NKIRAS1: variants seen among roughly 807,000 people sequenced by gnomAD.
NKIRAS1 encodes NF-kappa-B inhibitor-interacting Ras-like protein 1.
NKIRAS1 carries 16 observed loss-of-function variants against 19.8 expected under a neutral mutation model. That is an observed-to-expected ratio of 0.81 (90% CI 0.55 to 1.23). The LOEUF is 1.23. Ranked by LOEUF, NKIRAS1 falls within the 50% of genes most tolerant of loss-of-function variation. The pLI is 0.00. For missense variants in NKIRAS1, 184 were observed against 220.0 expected (o/e 0.84, Z 1.04); for synonymous variants, 88 against 79.0 (o/e 1.11, Z -0.61).
rs371670186 is a variant in NKIRAS1 at position 23,891,529 on chromosome 3, G to A, written c.*1566C>T. 6.6e-6 allele frequency: 1 copy of A among 152,110 alleles called. No homozygotes were observed. The highest frequency in any genetic ancestry group is 2.4e-5 in the African/African-American group (1 of 41,406). The allele number at this position is 152,110 out of a possible 1,614,324, so 9.4% of individuals were successfully genotyped here. A position where few individuals can be genotyped will look rare whatever the true frequency, so the allele number is the denominator to read the frequency against. The stretch of plus-strand genomic sequence containing the variant: ...TCTACCCCATTTAGGCTTCAAAGAC[G>A]AACCCTACTGCATCTTTTTAAAAGC... On this transcript the variant is annotated 3_prime_UTR_variant, in exon 5 of 5. Coordinates refer to ENST00000425478, the MANE Select transcript of NKIRAS1 (RefSeq NM_020345.4).
chr3:23,906,497 A>T (rs1423657427), intron 3 of NKIRAS1, among the ~76,000 whole-genome samples: 1 of 152,170 alleles, frequency 6.6e-6, no homozygotes, highest in African/African-American at 2.4e-5. Context: ...TTACATGTAG[A>T]TTTTCTTTCT....
intron 1 of NKIRAS1, among the ~76,000 whole-genome samples, chr3:23,939,306 G>T (rs1705451294): frequency 1.3e-5 from 2 of 152,132 alleles, no homozygotes; most frequent in African/African-American, 4.8e-5. Flanking sequence ...TGTAGATCAA[G>T]ATAAAGAGCA....
chr3:23,937,899 C>T (rs111632334), intron 1 of NKIRAS1, among the ~76,000 whole-genome samples: 4 of 151,862 alleles, frequency 2.6e-5, no homozygotes, highest in African/African-American at 9.7e-5. Context: ...GTAGACATAA[C>T]CCTTTTACCT....
chr3:23,903,443 T>C (rs771718215), intron 3 of NKIRAS1, among the ~76,000 whole-genome samples: 3 of 151,872 alleles, frequency 2.0e-5, no homozygotes, highest in Non-Finnish European at 4.4e-5. Flanking sequence ...TATGAACAGA[T>C]AACCAAGGTT....
chr3:23,946,088 T>TG, intron 1 of NKIRAS1: 1 of 984,280 alleles, frequency 1.0e-6, no homozygotes. Flanking sequence ...TCCGCCCCTT[T>TG]GGAAGCCTCG....
chr3:23,945,447 C>T, intron 1 of NKIRAS1: 1 of 355,212 alleles, frequency 2.8e-6, no homozygotes, highest in Non-Finnish European at 4.1e-6. Flanking sequence ...GGAGCCCCGC[C>T]CGCTCTGCCC....
rs1026227229 is a variant in NKIRAS1 at position 23,944,875 on chromosome 3, G to A, written c.-140+1448C>T. Reference sequence around the variant, plus strand: ...GGGGGCGCAAGGGTTGAGCAAGCCCGAACCAGCCGGCCCAGCCGGGGTCCT... The same window carrying A: ...GGGGGCGCAAGGGTTGAGCAAGCCCAAACCAGCCGGCCCAGCCGGGGTCCT... On this transcript the variant is annotated intron_variant, in intron 1 of 4. Transcript: ENST00000421515. Among the ~76,000 whole-genome samples the A allele has an allele frequency of 3.3e-5, 5 of 151,854 alleles. No homozygotes were observed. In the East Asian group the frequency reaches 7.8e-4, roughly 24 times the overall value.
At chr3:23,936,062 G>A (rs547043263) in intron 1 of NKIRAS1, among the ~76,000 whole-genome samples, 285 of 117,456 alleles carry the variant, frequency 2.4e-3, no homozygotes, top group Admixed American at 6.5e-3. Context: ...TAGCCTGGGC[G>A]ACAGAAAGGG....
chr3:23,910,753 C>CAAG (rs1159328121), intron 3 of NKIRAS1, 58 bp downstream of exon 3: 2 of 1,308,670 alleles, frequency 1.5e-6, no homozygotes, highest in African/African-American at 1.5e-5. Flanking sequence ...GCATGACCAA[C>CAAG]AAAAGACCCC....
chr3:23,896,763 CAGG>C (rs902037554), intron 4 of NKIRAS1, among the ~76,000 whole-genome samples: 46 of 151,732 alleles, frequency 3.0e-4, no homozygotes, highest in Admixed American at 2.1e-3. Flanking sequence ...TGTTTGAGAC[CAGG>C]AGTTCAAGAC....
chr3:23,933,770 T>C (rs4858560), intron 1 of NKIRAS1, among the ~76,000 whole-genome samples: 97,467 of 152,006 alleles, frequency 0.64, 31,464 homozygotes, highest in Middle Eastern at 0.73. Flanking sequence ...AACAAATTAC[T>C]GTAGGCTGGG....
intron 3 of NKIRAS1, among the ~76,000 whole-genome samples, chr3:23,908,629 A>G (rs2125407455): frequency 6.6e-6 from 1 of 152,292 alleles, no homozygotes; most frequent in East Asian, 1.9e-4. Context: ...TAATGAGTTT[A>G]TTAGTGTCAT....
At chr3:23,928,706 A>C (rs1348005856) in intron 1 of NKIRAS1, among the ~76,000 whole-genome samples, 3 of 151,560 alleles carry the variant, frequency 2.0e-5, no homozygotes, top group Non-Finnish European at 4.4e-5. Flanking sequence ...AAAAAAAAAA[A>C]AAAGGCCGGG....
At chr3:23,910,024 A>G (rs1400575919) in intron 3 of NKIRAS1, among the ~76,000 whole-genome samples, 4 of 151,892 alleles carry the variant, frequency 2.6e-5, no homozygotes, top group Admixed American at 1.3e-4. Flanking sequence ...ACACCCAGCT[A>G]ATTTTTGTAT....
chr3:23,897,526 C>T lies in NKIRAS1; in HGVS notation c.336+3282G>A, dbSNP rs139535000. 2.4e-3 allele frequency among the ~76,000 whole-genome samples: 372 copies of T among 152,322 alleles called. 2 individuals are homozygous for T. The highest frequency in any genetic ancestry group is 4.1e-3 in the Admixed American group (62 of 15,292). On this transcript the variant is annotated intron_variant, in intron 4 of 4. Transcript: ENST00000425478. ...TTGCCCCAAACCAGTGCTTTCTGATCTCACTAAAAGTGAAAGGCAAAGTGC... is the reference window on the plus strand; with the variant it reads ...TTGCCCCAAACCAGTGCTTTCTGATTTCACTAAAAGTGAAAGGCAAAGTGC...
intron 3 of NKIRAS1, among the ~76,000 whole-genome samples, chr3:23,905,935 G>C (rs1331768489): frequency 6.6e-6 from 1 of 152,096 alleles, no homozygotes; most frequent in Non-Finnish European, 1.5e-5. Flanking sequence ...GAGGCAGGCA[G>C]ATTGCTTGAG....
intron 4 of NKIRAS1, among the ~76,000 whole-genome samples, chr3:23,899,541 C>T (rs566321492): frequency 6.4e-4 from 98 of 152,038 alleles, no homozygotes; most frequent in Non-Finnish European, 8.7e-4. Context: ...ATGAAGAGTC[C>T]GCCACGTGAA....
chr3:23,936,889 C>T (rs1378336918), intron 1 of NKIRAS1, among the ~76,000 whole-genome samples: 2 of 145,266 alleles, frequency 1.4e-5, no homozygotes, highest in Middle Eastern at 3.5e-3. Context: ...TCAGGTGATG[C>T]TGATGCTGCT....
chr3:23,913,856 G>T (rs1223434079), intron 1 of NKIRAS1, among the ~76,000 whole-genome samples: 1 of 152,192 alleles, frequency 6.6e-6, no homozygotes, highest in Non-Finnish European at 1.5e-5. Context: ...AGGCTCTGTA[G>T]TACATGGGTC....
Sources: allele counts gnomAD v4.1 joint callset (sites outside exome capture counted in the v4.1 genomes callset), GRCh38; gene constraint gnomAD v4.1.1; transcripts MANE v1.5; gene names NCBI Gene and HGNC (gene_info 2026-07-23, HGNC 2026-07-21).